DCBLD1: variants seen among roughly 807,000 people sequenced by gnomAD.
The protein encoded by DCBLD1 is discoidin, CUB and LCCL domain-containing protein 1.
A neutral mutation model predicts 71.5 loss-of-function variants in DCBLD1; 57 were observed. The ratio of observed to expected loss-of-function variants is 0.80; its 90% CI spans 0.64 to 0.99. The LOEUF is 0.99. Among genes scored for constraint, DCBLD1 ranks in the 50% least tolerant of loss-of-function variants. DCBLD1 has a pLI of 0.00. For synonymous variants in DCBLD1, 380 were observed against 363.8 expected (o/e 1.04, Z -0.51); for missense variants, 891 against 923.5 (o/e 0.96, Z 0.46).
At chr6:117,526,842 A>G (rs1185451453) in intron 5 of DCBLD1, among the ~76,000 whole-genome samples, 3 of 152,192 alleles carry the variant, frequency 2.0e-5, no homozygotes, top group African/African-American at 7.2e-5. Flanking sequence ...AAAGTGGCAC[A>G]TATTTATTAT....
chr6:117,511,905 G>A lies in DCBLD1; in HGVS notation c.326-7911G>A, dbSNP rs374780108. 1.5e-4 allele frequency among the ~76,000 whole-genome samples: 23 copies of A among 152,288 alleles called. No homozygotes were observed. In the East Asian group the frequency reaches 3.1e-3, roughly 20 times the overall value. ...CCCTAGAAGTGCGTCCTCCTCTATG[G>A]TTGAGGCTACTTTGGTGGAAATTAT... On this transcript the variant is annotated intron_variant, in intron 2 of 14. Coordinates refer to ENST00000338728, the MANE Select transcript of DCBLD1 (RefSeq NM_001366458.2).
chr6:117,505,932 A>G (rs1183120200), intron 2 of DCBLD1, among the ~76,000 whole-genome samples: 4 of 152,324 alleles, frequency 2.6e-5, no homozygotes, highest in East Asian at 1.9e-4. Context: ...TTTCAAGCTT[A>G]GATGCATCAC....
intron 1 of DCBLD1, chr6:117,484,938 CGTT>C (rs1374100998): frequency 1.3e-5 from 2 of 152,180 alleles, no homozygotes; most frequent in Non-Finnish European, 2.9e-5. Context: ...CCACCCCTCC[CGTT>C]GTTTGCAGCC....
At chr6:117,539,083 A>G (rs527316593) in intron 8 of DCBLD1, 172 bp from the exon 9 acceptor site, 2 of 701,514 alleles carry the variant, frequency 2.9e-6, no homozygotes, top group Non-Finnish European at 4.6e-6. Context: ...GTGTATTGTC[A>G]GTGTGAAAAC....
chr6:117,543,331 T>C, intron 12 of DCBLD1, 120 bp downstream of exon 12: 1 of 794,722 alleles, frequency 1.3e-6, no homozygotes, highest in Non-Finnish European at 2.1e-6. Context: ...CAAAATAAAA[T>C]GTTAACTTAT....
At chr6:117,494,395 A>G (rs1047876022) in intron 1 of DCBLD1, among the ~76,000 whole-genome samples, 2 of 152,190 alleles carry the variant, frequency 1.3e-5, no homozygotes, top group African/African-American at 4.8e-5. Flanking sequence ...AAGGTGAGAA[A>G]GCTAGCATGT....
At chr6:117,485,743 A>G (rs1050657331) in intron 1 of DCBLD1, among the ~76,000 whole-genome samples, 1 of 152,236 alleles carries the variant, frequency 6.6e-6, no homozygotes, top group Admixed American at 6.5e-5. Flanking sequence ...GAAACCAAGT[A>G]ATAAAGAGCC....
At chr6:117,539,013 G>C (rs750392895) in intron 8 of DCBLD1, 178 bp downstream of exon 8, 6 of 769,150 alleles carry the variant, frequency 7.8e-6, no homozygotes, top group African/African-American at 3.5e-5. Flanking sequence ...CTGTATGCAA[G>C]TTGTAAATAT....
chr6:117,541,459 A>T (rs898282948), intron 11 of DCBLD1, among the ~76,000 whole-genome samples: 5 of 152,256 alleles, frequency 3.3e-5, no homozygotes, highest in Middle Eastern at 3.2e-3. Flanking sequence ...ATAAATATTC[A>T]TTCCAGTATC....
chr6:117,557,275 A>T (rs1160730683), intron 14 of DCBLD1, among the ~76,000 whole-genome samples: 5 of 152,192 alleles, frequency 3.3e-5, no homozygotes, highest in African/African-American at 1.2e-4. Flanking sequence ...TTTTTAAAAA[A>T]TATAACTGTA....
chr6:117,486,575 A>G (rs931700609), intron 1 of DCBLD1, among the ~76,000 whole-genome samples: 3 of 152,172 alleles, frequency 2.0e-5, no homozygotes, highest in Non-Finnish European at 4.4e-5. Context: ...CTCCAAAATG[A>G]CAAGCACTGT....
intron 6 of DCBLD1, 21 bp from the exon 7 acceptor site, chr6:117,537,164 T>A: frequency 6.2e-7 from 1 of 1,613,942 alleles, no homozygotes; most frequent in Non-Finnish European, 8.5e-7. Flanking sequence ...TACCTTCTCA[T>A]GTTTGTCTTT....
chr6:117,486,859 C>T (rs1777104512), intron 1 of DCBLD1, among the ~76,000 whole-genome samples: 1 of 152,200 alleles, frequency 6.6e-6, no homozygotes, highest in African/African-American at 2.4e-5. Context: ...AGGATGTGAG[C>T]AACAGGTAAT....
At chr6:117,484,286 A>G (rs540130171) in intron 1 of DCBLD1, among the ~76,000 whole-genome samples, 1 of 152,320 alleles carries the variant, frequency 6.6e-6, no homozygotes, top group East Asian at 1.9e-4. Flanking sequence ...TTAACTGGGC[A>G]CTTTGTGAGA....
At chr6:117,492,818 A>G (rs1275900213) in intron 1 of DCBLD1, among the ~76,000 whole-genome samples, 1 of 152,106 alleles carries the variant, frequency 6.6e-6, no homozygotes, top group Non-Finnish European at 1.5e-5. Flanking sequence ...GAGATTTGCT[A>G]TTTTCTTGTC....
At chr6:117,498,376 A>C (rs542944010) in intron 1 of DCBLD1, among the ~76,000 whole-genome samples, 1 of 152,326 alleles carries the variant, frequency 6.6e-6, no homozygotes, top group South Asian at 2.1e-4. Flanking sequence ...TACTTAGTTT[A>C]GTCATCATGT....
At chr6:117,539,169 G>T in intron 8 of DCBLD1, 86 bp from the exon 9 acceptor site, 1 of 1,240,206 alleles carries the variant, frequency 8.1e-7, no homozygotes. Flanking sequence ...TCAAATGAGG[G>T]AGAAAAAAAT....
chr6:117,485,612 G>C (rs761185664), intron 1 of DCBLD1, among the ~76,000 whole-genome samples: 7 of 152,198 alleles, frequency 4.6e-5, no homozygotes, highest in East Asian at 1.9e-4. Context: ...TGAGGGCAGA[G>C]ACTGGGACTA....
rs1278197020 is a variant in DCBLD1, at chr6:117,503,813, G to A, written c.159G>A (p.Met53Ile). 1.9e-6 allele frequency: 3 copies of A among 1,613,904 alleles called. No individual in the cohort carries two copies. In the South Asian group the frequency reaches 3.3e-5, roughly 18 times the overall value. The part of the protein sequence containing the change: ...HLVTYQDSGT[M>I]TSKNYPGTYP... ...TGACTTATCAGGATAGTGGCACAAT[G>A]ACATCTAAGAATTATCCCGGGACCT... is the stretch of plus-strand genomic sequence containing the variant. Residue 53 changes from methionine (M) to isoleucine (I), a missense_variant, in exon 2 of 15, where the codon ATG (methionine) becomes ATA (isoleucine). Coordinates refer to ENST00000338728, the MANE Select transcript of DCBLD1 (RefSeq NM_001366458.2).
Sources: allele counts gnomAD v4.1 joint callset (sites outside exome capture counted in the v4.1 genomes callset), GRCh38; gene constraint gnomAD v4.1.1; transcripts MANE v1.5; gene names NCBI Gene and HGNC (gene_info 2026-07-23, HGNC 2026-07-21).